The following PARM1 variants were observed in gnomAD, a reference collection of about 807,000 sequenced individuals.
PARM1 encodes the protein WSC4, cell wall integrity and stress response component 4 homolog.
Under a neutral mutation model 24.6 loss-of-function variants are expected in PARM1, and 14 were observed. The observed-to-expected ratio is 0.57, with a 90% CI of 0.38 to 0.89. The LOEUF (loss-of-function observed/expected upper bound fraction) is 0.89, where lower values mean the gene tolerates loss of function less well. Ranked by LOEUF, PARM1 falls within the 40% of genes least tolerant of loss-of-function variation. The pLI is 0.00. For missense variants in PARM1, 362 were observed against 380.4 expected (o/e 0.95, Z 0.40); for synonymous variants, 179 against 156.6 (o/e 1.14, Z -1.07).
In PARM1 at chr4:74,999,547, A is replaced by T. The variant is rs909800475; in HGVS notation, c.44-12878A>T. On this transcript the variant is annotated intron_variant, in intron 1 of 3. Transcript: ENST00000307428. ...TGAAATATATTAATAAAACAAATGT[A>T]TATGTTTTTCCAGTATGCCTTCCTC... 4.0e-4 allele frequency among the ~76,000 whole-genome samples: 61 copies of T among 152,200 alleles called. 2 individuals carry two copies. The highest frequency in any genetic ancestry group is 2.9e-5 in the Non-Finnish European group (2 of 68,028).
chr4:74,979,670 A>G (rs1185405199), intron 1 of PARM1, among the ~76,000 whole-genome samples: 1 of 151,758 alleles, frequency 6.6e-6, no homozygotes, highest in Non-Finnish European at 1.5e-5. Flanking sequence ...ACACAAAGGA[A>G]AACTTCAGGC....
At chr4:75,044,005 C>G (rs1723549914) in intron 3 of PARM1, among the ~76,000 whole-genome samples, 1 of 148,060 alleles carries the variant, frequency 6.8e-6, no homozygotes, top group Admixed American at 6.8e-5. Flanking sequence ...ATTTTGAAGG[C>G]TAAGAGTTTG....
intron 1 of PARM1, among the ~76,000 whole-genome samples, chr4:74,945,810 C>T (rs1454008703): frequency 6.6e-6 from 1 of 152,130 alleles, no homozygotes; most frequent in African/African-American, 2.4e-5. Flanking sequence ...CTTTTGGCAA[C>T]ATTAAATTTC....
intron 3 of PARM1, among the ~76,000 whole-genome samples, chr4:75,039,127 G>C (rs1013274838): frequency 6.6e-6 from 1 of 152,180 alleles, no homozygotes; most frequent in Admixed American, 6.5e-5. Context: ...ATACACAGTT[G>C]ACTTTTTCAG....
At chr4:74,976,772 A>G (rs1722144498) in intron 1 of PARM1, among the ~76,000 whole-genome samples, 1 of 152,222 alleles carries the variant, frequency 6.6e-6, no homozygotes, top group Admixed American at 6.5e-5. Flanking sequence ...GCTGTTCTGC[A>G]GTCTCCACTG....
intron 1 of PARM1, among the ~76,000 whole-genome samples, chr4:74,989,146 C>G (rs903738626): frequency 6.6e-6 from 1 of 152,106 alleles, no homozygotes; most frequent in South Asian, 2.1e-4. Flanking sequence ...CCATTAGCAA[C>G]CAACCCTCCA....
chr4:74,972,210 A>G (rs78557116), intron 1 of PARM1, among the ~76,000 whole-genome samples: 2,349 of 152,284 alleles, frequency 0.015, 36 homozygotes, highest in Non-Finnish European at 0.026. Context: ...ACAGGGCCAC[A>G]TGGCTCTGGG....
intron 1 of PARM1, chr4:74,967,481 C>T (rs935454417): frequency 6.6e-6 from 1 of 152,148 alleles, no homozygotes; most frequent in Admixed American, 6.5e-5. Context: ...TGCAGAGAGA[C>T]AGATTGCGTC....
intron 1 of PARM1, among the ~76,000 whole-genome samples, chr4:74,987,661 A>G (rs1348866021): frequency 1.3e-5 from 2 of 152,242 alleles, no homozygotes; most frequent in Admixed American, 6.5e-5. Flanking sequence ...AAAGTTTGCC[A>G]TGCAATTTGC....
intron 2 of PARM1, among the ~76,000 whole-genome samples, chr4:75,030,816 C>G (rs1211272372): frequency 6.6e-6 from 1 of 152,154 alleles, no homozygotes; most frequent in South Asian, 2.1e-4. Flanking sequence ...CCACACCTTC[C>G]TCATAAGCCA....
chr4:74,977,278 A>G (rs1722157386), intron 1 of PARM1, among the ~76,000 whole-genome samples: 1 of 152,208 alleles, frequency 6.6e-6, no homozygotes, highest in Non-Finnish European at 1.5e-5. Context: ...GACCTGATGG[A>G]GCTGAAAAAC....
intron 2 of PARM1, among the ~76,000 whole-genome samples, chr4:75,018,617 T>C (rs190791337): frequency 2.6e-5 from 4 of 152,328 alleles, no homozygotes; most frequent in African/African-American, 9.6e-5. Flanking sequence ...GGTAATTATT[T>C]ATTACAATTA....
intron 1 of PARM1, among the ~76,000 whole-genome samples, chr4:74,945,419 G>T (rs527888692): frequency 2.6e-4 from 40 of 152,264 alleles, no homozygotes; most frequent in African/African-American, 9.6e-4. Context: ...TAAAAATCTT[G>T]ATTCGAAATT....
At chr4:74,992,568 G>C (rs1423975311) in intron 1 of PARM1, among the ~76,000 whole-genome samples, 1 of 152,076 alleles carries the variant, frequency 6.6e-6, no homozygotes. Flanking sequence ...TAAGGCCAAT[G>C]GGGCAGGAGA....
intron 1 of PARM1, chr4:74,967,629 T>A (rs1015914977): frequency 1.3e-5 from 2 of 152,062 alleles, no homozygotes; most frequent in Admixed American, 6.6e-5. Flanking sequence ...CCAAAAAAAA[T>A]TTTCATAGGC....
intron 1 of PARM1, among the ~76,000 whole-genome samples, chr4:74,984,451 C>T (rs1222664834): frequency 1.3e-5 from 2 of 152,302 alleles, no homozygotes; most frequent in Non-Finnish European, 1.5e-5. Flanking sequence ...ATACCTGTAA[C>T]CTATTCTTGG....
rs183370495 is a variant in PARM1 at position 74,972,396 on chromosome 4, C to T, written c.43+39026C>T. Among the ~76,000 whole-genome samples the T allele has an allele frequency of 2.6e-3, 402 of 152,260 alleles. 2 individuals carry two copies. The highest frequency in any genetic ancestry group is 9.0e-3 in the African/African-American group (372 of 41,546). ...ACCGCTTTCTGTTTCTTTCAGAATC[C>T]CTTTATTTGGCACTGAGTTATGTAT... On this transcript the variant is annotated intron_variant, in intron 1 of 3. Coordinates refer to ENST00000307428, the MANE Select transcript of PARM1 (RefSeq NM_015393.4).
intron 1 of PARM1, among the ~76,000 whole-genome samples, chr4:74,986,806 A>G (rs1038499057): frequency 1.8e-4 from 28 of 152,172 alleles, no homozygotes; most frequent in African/African-American, 6.3e-4. Context: ...AGTCTTAGAC[A>G]AGATCAGGAA....
Position 75,034,997 on chromosome 4 carries a change from C to T in PARM1, c.848+1036C>T, listed in dbSNP as rs1723343588. On this transcript the variant is annotated intron_variant, in intron 3 of 3. Coordinates refer to ENST00000307428, the MANE Select transcript of PARM1 (RefSeq NM_015393.4). ...CTGAAGTCCTGAACTTCAGAAACTC[C>T]AGCTCCCTCCAATTCTTAGGACACA... is the stretch of plus-strand genomic sequence containing the variant. Among the ~76,000 whole-genome samples, 4 of 152,156 alleles carry T rather than the reference C, an allele frequency of 2.6e-5. No individual in the cohort carries two copies. In the South Asian group the frequency reaches 8.3e-4, roughly 31 times the overall value.
Sources: allele counts gnomAD v4.1 joint callset (sites outside exome capture counted in the v4.1 genomes callset), GRCh38; gene constraint gnomAD v4.1.1; transcripts MANE v1.5; gene names NCBI Gene and HGNC (gene_info 2026-07-23, HGNC 2026-07-21).